Variants in ZMYM2 observed in about 807,000 individuals in gnomAD.
The protein encoded by ZMYM2 is zinc finger MYM-type containing 2.
Under a neutral mutation model 162.8 loss-of-function variants are expected in ZMYM2, and 56 were observed. The ratio of observed to expected loss-of-function variants is 0.34; its 90% CI spans 0.28 to 0.43. The LOEUF is 0.43. Ranked by LOEUF, ZMYM2 falls within the 20% of genes least tolerant of loss-of-function variation. The probability of loss-of-function intolerance (pLI) is 1.00; values close to 1 mark genes in which losing one functional copy is unlikely to be tolerated. For missense variants in ZMYM2, 1,275 were observed against 1,621.8 expected, an observed-to-expected ratio of 0.79 and a Z score of 3.67; for synonymous variants, 510 against 541.6, an observed-to-expected ratio of 0.94 and a Z score of 0.81.
intron 3 of ZMYM2, among the ~76,000 whole-genome samples, chr13:19,998,735 A>C (rs1950189889): frequency 6.6e-6 from 1 of 152,186 alleles, no homozygotes; most frequent in Non-Finnish European, 1.5e-5. Context: ...AGATCTGAAT[A>C]GCCCCTCGAA....
intron 21 of ZMYM2, among the ~76,000 whole-genome samples, chr13:20,074,522 C>A (rs1034968339): frequency 1.3e-5 from 2 of 151,736 alleles, no homozygotes; most frequent in Admixed American, 1.3e-4. Flanking sequence ...CAGGCATGAG[C>A]CACTGTGCCC....
intron 2 of ZMYM2, among the ~76,000 whole-genome samples, chr13:19,964,717 ATT>A (rs1010641168): frequency 2.7e-5 from 4 of 146,550 alleles, no homozygotes; most frequent in African/African-American, 1.0e-4. Flanking sequence ...AGGGTTCCAG[ATT>A]TTTTTTTTTC....
intron 22 of ZMYM2, 136 bp downstream of exon 22, chr13:20,082,266 C>T (rs896617445): frequency 6.0e-6 from 4 of 665,250 alleles, no homozygotes; most frequent in Non-Finnish European, 1.0e-5. Flanking sequence ...GCTCATCTGC[C>T]TTTCATCTCT....
chr13:19,996,584 G>A (rs1207708452), intron 3 of ZMYM2, among the ~76,000 whole-genome samples: 1 of 152,140 alleles, frequency 6.6e-6, no homozygotes, highest in Admixed American at 6.5e-5. Context: ...AAATTAGTGG[G>A]GCATGGTGGT....
At chr13:19,888,069 G>A in the ZMYM2 span, among the ~76,000 whole-genome samples, 14 of 151,726 alleles carry the variant, frequency 9.2e-5, no homozygotes, top group African/African-American at 2.7e-4. Flanking sequence ...ATGTAGAGAC[G>A]GAATTTCTCC....
At chr13:20,039,535 G>A (rs1391819542) in intron 12 of ZMYM2, among the ~76,000 whole-genome samples, 5 of 147,360 alleles carry the variant, frequency 3.4e-5, no homozygotes, top group African/African-American at 1.2e-4. Flanking sequence ...GTGCAGTGGC[G>A]CCATCTTGGC....
the ZMYM2 span, among the ~76,000 whole-genome samples, chr13:19,917,533 T>G: frequency 6.8e-6 from 1 of 147,692 alleles, no homozygotes; most frequent in African/African-American, 2.5e-5. Context: ...GAGGTTGCAG[T>G]GAGCCGAGAT....
chr13:19,937,749 T>G, the ZMYM2 span, among the ~76,000 whole-genome samples: 1 of 150,960 alleles, frequency 6.6e-6, no homozygotes, highest in East Asian at 1.9e-4. Context: ...TAACTCGTCA[T>G]TTAGCATTAG....
At chr13:20,070,435 C>T (rs529756805) in intron 21 of ZMYM2, 2 of 163,396 alleles carry the variant, frequency 1.2e-5, no homozygotes, top group African/African-American at 2.4e-5. Context: ...GAGTCTTTTG[C>T]CAACTCTTTT....
chr13:19,947,979 G>GT, the ZMYM2 span, among the ~76,000 whole-genome samples: 1 of 137,938 alleles, frequency 7.2e-6, no homozygotes, highest in Non-Finnish European at 1.5e-5. Flanking sequence ...TGACAGAAAT[G>GT]TTTTTAAAAC....
At chr13:20,024,546 T>C in intron 7 of ZMYM2, 1 of 223,266 alleles carries the variant, frequency 4.5e-6, no homozygotes, top group Non-Finnish European at 8.9e-6. Flanking sequence ...ACTTGCAACA[T>C]AGTGGCAGTT....
chr13:20,015,063 A>T lies in ZMYM2; in HGVS notation c.1513-4484A>T, dbSNP rs148111726. On this transcript the variant is annotated intron_variant, in intron 6 of 24. Transcript: ENST00000610343. The stretch of plus-strand genomic sequence containing the variant: ...GGTGTGAGCCACCGTGCCTGGACTT[A>T]CTTTCTTTCTTTTTAACATAAGCAT... 2.2e-3 allele frequency among the ~76,000 whole-genome samples: 340 copies of T among 152,120 alleles called. 1 individual carries two copies. Among genetic ancestry groups the T allele is most frequent in the Middle Eastern group, 0.017 (5 of 294 alleles).
At chr13:19,884,838 A>AT in the ZMYM2 span, among the ~76,000 whole-genome samples, 2 of 152,110 alleles carry the variant, frequency 1.3e-5, no homozygotes. Context: ...GCAGTAAAAG[A>AT]AAACCTGAGC....
At chr13:19,929,813 G>A in the ZMYM2 span, among the ~76,000 whole-genome samples, 1 of 152,060 alleles carries the variant, frequency 6.6e-6, no homozygotes, top group Non-Finnish European at 1.5e-5. Context: ...TTTAAGATTA[G>A]GTTAATTTAC....
chr13:19,933,724 T>G, the ZMYM2 span, among the ~76,000 whole-genome samples: 1 of 152,166 alleles, frequency 6.6e-6, no homozygotes, highest in Non-Finnish European at 1.5e-5. Flanking sequence ...TCATCCTTAA[T>G]TGGGATGAGG....
At chr13:20,034,917 T>G (rs930228408) in intron 11 of ZMYM2, among the ~76,000 whole-genome samples, 1 of 152,240 alleles carries the variant, frequency 6.6e-6, no homozygotes, top group Non-Finnish European at 1.5e-5. Context: ...TCTACACTTT[T>G]GCTGCTCTGG....
At chr13:19,957,518 G>C (rs1420586071), upstream of ZMYM2, among the ~76,000 whole-genome samples, 1 of 152,150 alleles carries the variant, frequency 6.6e-6, no homozygotes, top group Non-Finnish European at 1.5e-5. Flanking sequence ...GAACAAAAGA[G>C]AAGACCCCTC....
At chr13:19,976,336 A>AAAGAAAG (rs1566194555) in intron 2 of ZMYM2, among the ~76,000 whole-genome samples, 1 of 150,248 alleles carries the variant, frequency 6.7e-6, no homozygotes, top group African/African-American at 2.5e-5. Flanking sequence ...CAAAAAAAAA[A>AAAGAAAG]AAAGAAAGAA....
At chr13:19,937,669 A>T in the ZMYM2 span, among the ~76,000 whole-genome samples, 1 of 150,456 alleles carries the variant, frequency 6.6e-6, no homozygotes, top group Non-Finnish European at 1.5e-5. Context: ...TTATGTTTTA[A>T]GGTACATGTG....
Sources: gnomAD v4.1 joint callset for allele counts (sites outside exome capture counted in the v4.1 genomes callset) on GRCh38, gnomAD v4.1.1 for gene constraint, MANE v1.5 for transcripts, NCBI Gene and HGNC (gene_info 2026-07-23, HGNC 2026-07-21) for gene names.